The following SLC25A26 variants were observed in gnomAD, a reference collection of about 807,000 sequenced individuals.
SLC25A26 encodes the protein solute carrier family 25 member 26.
Under a neutral mutation model 37.8 loss-of-function variants are expected in SLC25A26, and 36 were observed. The ratio of observed to expected loss-of-function variants is 0.95; its 90% CI spans 0.73 to 1.26. The LOEUF (loss-of-function observed/expected upper bound fraction) is 1.26, where lower values mean the gene tolerates loss of function less well. Ranked by LOEUF, SLC25A26 falls within the 50% of genes most tolerant of loss-of-function variation. SLC25A26 has a pLI of 0.00. For missense variants in SLC25A26, 390 were observed against 331.1 expected (o/e 1.18, Z -1.38); for synonymous variants, 129 against 122.5 (o/e 1.05, Z -0.35).
intron 6 of SLC25A26, among the ~76,000 whole-genome samples, chr3:66,352,668 A>G (rs1047693853): frequency 3.3e-4 from 50 of 152,088 alleles, no homozygotes; most frequent in South Asian, 2.1e-4. Flanking sequence ...CCGAGTGTCT[A>G]TTACGTGCCA....
rs963428510 is a variant in SLC25A26 at position 66,200,251 on chromosome 3, T to A, written c.-353-20491T>A. 9.0e-4 allele frequency among the ~76,000 whole-genome samples: 137 copies of A among 152,342 alleles called. 4 individuals carry two copies. Among genetic ancestry groups the A allele is most frequent in the African/African-American group, 3.0e-3 (125 of 41,578 alleles). ...CTGATTCTAGCACCCTAAAAGGGCC[T>A]CCTGGCTGGCCAAGGAGACTGCTGT... On this transcript the variant is annotated intron_variant, in intron 1 of 10. Transcript: ENST00000676754.
At chr3:66,249,409 G>A (rs907087765) in intron 3 of SLC25A26, among the ~76,000 whole-genome samples, 2 of 152,210 alleles carry the variant, frequency 1.3e-5, no homozygotes, top group Non-Finnish European at 2.9e-5. Flanking sequence ...TAAAGGATTG[G>A]ACGCATAGAT....
At chr3:66,205,640 C>T (rs1205606837) in intron 1 of SLC25A26, among the ~76,000 whole-genome samples, 2 of 152,226 alleles carry the variant, frequency 1.3e-5, no homozygotes, top group African/African-American at 4.8e-5. Context: ...CACTTTGTCA[C>T]ACATGCAGTT....
chr3:66,147,292 T>C (rs531746325), intron 1 of SLC25A26, among the ~76,000 whole-genome samples: 3 of 151,296 alleles, frequency 2.0e-5, no homozygotes, highest in Admixed American at 1.3e-4. Flanking sequence ...TCCTCCCAAG[T>C]AGCTGGGACT....
At chr3:66,170,799 T>G (rs1009714596) in intron 1 of SLC25A26, among the ~76,000 whole-genome samples, 16 of 122,844 alleles carry the variant, frequency 1.3e-4, no homozygotes, top group African/African-American at 4.6e-4. Flanking sequence ...TTGTTTTTTT[T>G]TTTTTTTTTT....
In SLC25A26 at chr3:66,346,358, C is replaced by G; in HGVS notation, c.454-6C>G. 6.8e-7 allele frequency: 1 copy of G among 1,464,674 alleles called. No homozygotes were observed. The highest frequency in any genetic ancestry group is 1.5e-5 in the African/African-American group (1 of 68,590). The allele number at this position is 1,464,674 out of a possible 1,614,324, so 90.7% of individuals were successfully genotyped here. On this transcript the variant is annotated splice_polypyrimidine_tract_variant and splice_region_variant and intron_variant, in intron 5 of 9. Transcript: ENST00000354883. ...AATTTATTTAATTTTTTTTTTCTCT[C>G]TTCAGATTCCTTTTTCTTTGGTCCA...
intron 1 of SLC25A26, among the ~76,000 whole-genome samples, chr3:66,176,873 A>G (rs1486596695): frequency 1.3e-5 from 2 of 152,164 alleles, no homozygotes; most frequent in Non-Finnish European, 2.9e-5. Flanking sequence ...TGGGAAATCG[A>G]CCTTCTTCCC....
At chr3:66,158,875 A>G (rs2070319234) in intron 1 of SLC25A26, among the ~76,000 whole-genome samples, 1 of 152,110 alleles carries the variant, frequency 6.6e-6, no homozygotes, top group African/African-American at 2.4e-5. Flanking sequence ...AAGCCTGCTA[A>G]GAGTCTGCAC....
rs1327281123 is a variant in SLC25A26 at position 66,181,665 on chromosome 3, C to T, written c.-353-39077C>T. On this transcript the variant is annotated intron_variant, in intron 1 of 10. Coordinates refer to the SLC25A26 transcript ENST00000676754. ...AAGGAACTTGTCCAAGCTCAAATTT[C>T]TAAGAAAAGTAGAGCCAGGCTTCAA... Among the ~76,000 whole-genome samples the T allele has an allele frequency of 1.1e-4, 16 of 152,094 alleles. No homozygotes were observed. In the South Asian group the frequency reaches 3.3e-3, roughly 32 times the overall value.
chr3:66,261,419 G>A (rs1306769059), intron 3 of SLC25A26, among the ~76,000 whole-genome samples: 2 of 152,222 alleles, frequency 1.3e-5, no homozygotes, highest in East Asian at 1.9e-4. Context: ...CTGGCAGTGT[G>A]GATTTGAGAT....
At chr3:66,209,055 TATATATATATACACACAC>T (rs1327208578) in intron 1 of SLC25A26, among the ~76,000 whole-genome samples, 444 of 25,298 alleles carry the variant, frequency 0.018, 40 homozygotes, top group Non-Finnish European at 0.023. Flanking sequence ...TATATATATA[TATATATATATACACACAC>T]ACACCCATAT....
chr3:66,137,663 A>C (rs557821799), intron 1 of SLC25A26, among the ~76,000 whole-genome samples: 3 of 152,154 alleles, frequency 2.0e-5, no homozygotes, highest in Non-Finnish European at 4.4e-5. Flanking sequence ...CATTGTGAGA[A>C]GGGAATAAGA....
chr3:66,138,244 T>TCAATGTATACATCGTATA (rs1245405461), intron 1 of SLC25A26, among the ~76,000 whole-genome samples: 1 of 152,140 alleles, frequency 6.6e-6, no homozygotes, highest in East Asian at 1.9e-4. Context: ...TCAAAGCTGT[T>TCAATGTATACATCGTATA]CAATGTATAC....
chr3:66,325,257 G>A (rs772778974), intron 5 of SLC25A26, among the ~76,000 whole-genome samples: 5 of 152,192 alleles, frequency 3.3e-5, no homozygotes, highest in Admixed American at 1.3e-4. Flanking sequence ...AAAGAAAGGT[G>A]AGGTGATGCA....
chr3:66,153,604 G>T (rs898259654), intron 1 of SLC25A26, among the ~76,000 whole-genome samples: 14 of 152,212 alleles, frequency 9.2e-5, no homozygotes, highest in African/African-American at 2.4e-5. Context: ...CTTTTAATGT[G>T]TGCTTTCAGG....
At chr3:66,139,731 T>G (rs1391081286) in intron 1 of SLC25A26, among the ~76,000 whole-genome samples, 1 of 152,224 alleles carries the variant, frequency 6.6e-6, no homozygotes, top group African/African-American at 2.4e-5. Flanking sequence ...TCAGAAGCAT[T>G]AATGTACTCA....
At chr3:66,243,560 T>A (rs547273834) in intron 3 of SLC25A26, among the ~76,000 whole-genome samples, 1 of 152,258 alleles carries the variant, frequency 6.6e-6, no homozygotes, top group South Asian at 2.1e-4. Flanking sequence ...TAAAACATAA[T>A]TATATGGAAA....
chr3:66,267,044 G>A (rs2073781311), intron 5 of SLC25A26, among the ~76,000 whole-genome samples: 1 of 152,076 alleles, frequency 6.6e-6, no homozygotes. Context: ...CTGGGTCTTG[G>A]GGCACTACAA....
intron 1 of SLC25A26, among the ~76,000 whole-genome samples, chr3:66,235,030 C>G (rs1240361197): frequency 1.3e-5 from 2 of 152,200 alleles, no homozygotes; most frequent in South Asian, 2.1e-4. Context: ...GCCTTTAGAT[C>G]TGGGTGATCT....
Sources: gnomAD v4.1 joint callset for allele counts (sites outside exome capture counted in the v4.1 genomes callset) on GRCh38, gnomAD v4.1.1 for gene constraint, MANE v1.5 for transcripts, NCBI Gene and HGNC (gene_info 2026-07-23, HGNC 2026-07-21) for gene names.